Variants in C1QTNF9 observed in about 807,000 individuals in gnomAD.
The protein encoded by C1QTNF9 is complement C1q and tumor necrosis factor-related protein 9A.
Under a neutral mutation model 10.1 loss-of-function variants are expected in C1QTNF9, and 6 were observed. The ratio of observed to expected loss-of-function variants is 0.59; its 90% CI spans 0.32 to 1.17. The LOEUF is 1.17. C1QTNF9 is among the 50% of genes most tolerant of loss of function. The probability of loss-of-function intolerance (pLI) is 0.04; values close to 1 mark genes in which losing one functional copy is unlikely to be tolerated. For missense variants in C1QTNF9, 201 were observed against 418.8 expected, an observed-to-expected ratio of 0.48 and a Z score of 4.54; for synonymous variants, 98 against 163.5, an observed-to-expected ratio of 0.60 and a Z score of 3.06.
intron 3 of C1QTNF9, 121 bp from the exon 4 acceptor site, chr13:24,320,875 G>A: frequency 3.2e-6 from 3 of 950,820 alleles, no homozygotes; most frequent in Non-Finnish European, 4.7e-6. Flanking sequence ...TTAAACTCTG[G>A]GCATATACTG....
At chr13:24,320,743 G>A (rs1391768065) in intron 3 of C1QTNF9, among the ~76,000 whole-genome samples, 1 of 151,240 alleles carries the variant, frequency 6.6e-6, no homozygotes, top group Non-Finnish European at 1.5e-5. Flanking sequence ...TAGAGTCAGG[G>A]TATTGCTATG....
At chr13:24,318,729 C>G in intron 2 of C1QTNF9, 89 bp from the exon 3 acceptor site, 1 of 1,589,498 alleles carries the variant, frequency 6.3e-7, no homozygotes, top group South Asian at 1.1e-5. Context: ...CCCCCAGACT[C>G]TCCAACACAC....
rs549619736 is a variant in C1QTNF9 at position 24,314,634 on chromosome 13, T to C, written c.-22-1348T>C. Among the ~76,000 whole-genome samples, 35 of 152,250 alleles carry C rather than the reference T, an allele frequency of 2.3e-4. No individual in the cohort carries two copies. The East Asian group carries it at 6.4e-3, about 28-fold the overall frequency. On this transcript the variant is annotated intron_variant, in intron 1 of 3. Coordinates refer to ENST00000332018, the Ensembl canonical transcript of C1QTNF9. ...GCAGCAGTGAGCAGAGATCGGCCAT[T>C]GCACTCCAGCTTGGGCCACAAGGGC...
intron 1 of C1QTNF9, among the ~76,000 whole-genome samples, chr13:24,311,499 T>C (rs1021132711): frequency 9.2e-5 from 14 of 152,308 alleles, no homozygotes; most frequent in African/African-American, 3.4e-4. Context: ...TGTATAGAGA[T>C]CTTGTCTTGA....
rs879137052 is a variant in C1QTNF9 at position 24,321,959 on chromosome 13, T to C, written c.*191T>C. 7 of 659,116 alleles carry C rather than the reference T, an allele frequency of 1.1e-5. No individual in the cohort carries two copies. The South Asian group carries it at 2.5e-4, about 23-fold the overall frequency. The allele number at this position is 659,116 out of a possible 1,614,324, so 40.8% of individuals were successfully genotyped here. A position where few individuals can be genotyped will look rare whatever the true frequency, so the allele number is the denominator to read the frequency against. ...TCCAGGAGTAAATATTTAAAATAGC[T>C]GCATGGTTTATTCTAATTTATTTCA... On this transcript the variant is annotated 3_prime_UTR_variant, in exon 4 of 4. Coordinates refer to ENST00000332018, the Ensembl canonical transcript of C1QTNF9.
rs181155631 is a variant in C1QTNF9 at position 24,314,296 on chromosome 13, T to C, written c.-22-1686T>C. Among the ~76,000 whole-genome samples the C allele has an allele frequency of 2.9e-3, 443 of 152,034 alleles. 1 individual carries two copies. Among genetic ancestry groups the C allele is most frequent in the Non-Finnish European group, 4.9e-3 (336 of 67,988 alleles). On this transcript the variant is annotated intron_variant, in intron 1 of 3. Coordinates refer to ENST00000332018, the Ensembl canonical transcript of C1QTNF9. Reference sequence around the variant, plus strand: ...GTCTTTAGCCTGTAATACTAGCACTTTGGGAGACTGGCGGGAGGATTACTT... The same window carrying C: ...GTCTTTAGCCTGTAATACTAGCACTCTGGGAGACTGGCGGGAGGATTACTT...
upstream of C1QTNF9, among the ~76,000 whole-genome samples, chr13:24,309,305 A>ATATATATATATATATATATATATATG (rs1283012806): frequency 8.3e-5 from 11 of 132,330 alleles, no homozygotes; most frequent in African/African-American, 3.2e-4. Flanking sequence ...ATATATATAT[A>ATATATATATATATATATATATATATG]TATGAAAGAA....
At chr13:24,310,842 G>T (rs1352093721) in intron 1 of C1QTNF9, among the ~76,000 whole-genome samples, 1 of 150,166 alleles carries the variant, frequency 6.7e-6, no homozygotes, top group Non-Finnish European at 1.5e-5. Context: ...AACCCAGGAG[G>T]CAGAGCTTGC....
exon 4 of C1QTNF9, chr13:24,322,331 T>A (rs1280744742): frequency 6.6e-6 from 1 of 152,428 alleles, no homozygotes; most frequent in Non-Finnish European, 1.5e-5. Flanking sequence ...TATCAACCCA[T>A]CACCTAGGTA....
intron 1 of C1QTNF9, among the ~76,000 whole-genome samples, chr13:24,310,911 CAAAAAAAAAAA>C (rs58299891): frequency 4.0e-4 from 33 of 83,052 alleles, no homozygotes; most frequent in Non-Finnish European, 6.8e-4. Flanking sequence ...GGCTCTGTCT[CAAAAAAAAAAA>C]AAAAAAAAAA....
At chr13:24,314,564 C>T (rs1444374525) in intron 1 of C1QTNF9, among the ~76,000 whole-genome samples, 1 of 152,062 alleles carries the variant, frequency 6.6e-6, no homozygotes, top group Non-Finnish European at 1.5e-5. Context: ...CGCCTGTAGT[C>T]CCAGCTACTT....
intron 1 of C1QTNF9, among the ~76,000 whole-genome samples, chr13:24,311,052 C>T (rs1336673238): frequency 6.6e-6 from 1 of 152,082 alleles, no homozygotes; most frequent in African/African-American, 2.4e-5. Flanking sequence ...GGAGGGCATT[C>T]GTCCTTTCCA....
chr13:24,312,674 C>A (rs1276443489), intron 1 of C1QTNF9, among the ~76,000 whole-genome samples: 1 of 151,988 alleles, frequency 6.6e-6, no homozygotes, highest in East Asian at 1.9e-4. Context: ...TAGTGCCAAG[C>A]GGCCGTGTGC....
Position 24,312,447 on chromosome 13 carries a change from G to C in C1QTNF9, c.-23+2831G>C, listed in dbSNP as rs372539861. Reference sequence around the variant, plus strand: ...TCTAGTGCCTTCTGGGAAAAGACCAGACCCAGAAATTAAAAGTCAAGAGTG... The same window carrying C: ...TCTAGTGCCTTCTGGGAAAAGACCACACCCAGAAATTAAAAGTCAAGAGTG... On this transcript the variant is annotated intron_variant, in intron 1 of 3. Coordinates refer to ENST00000332018, the Ensembl canonical transcript of C1QTNF9. Among the ~76,000 whole-genome samples the C allele has an allele frequency of 2.0e-4, 31 of 152,244 alleles. No homozygotes were observed. In the East Asian group the frequency reaches 5.4e-3, roughly 27 times the overall value.
intron 1 of C1QTNF9, among the ~76,000 whole-genome samples, chr13:24,312,372 A>C (rs1479146651): frequency 6.6e-6 from 1 of 152,098 alleles, no homozygotes; most frequent in Admixed American, 6.5e-5. Flanking sequence ...CAGATGAGAG[A>C]GAGAGTGGAT....
upstream of C1QTNF9, among the ~76,000 whole-genome samples, chr13:24,309,283 T>TTATATATATATATATATATA (rs72150411): frequency 6.0e-3 from 411 of 67,986 alleles, 20 homozygotes; most frequent in East Asian, 0.01. Flanking sequence ...ACTTAAAGTA[T>TTATATATATATATATATATA]TATATATATA....
In C1QTNF9 at chr13:24,316,222, A is replaced by G. The variant is rs1878027689; in HGVS notation, c.166+53A>G. 5.3e-6 allele frequency: 8 copies of G among 1,509,242 alleles called. No homozygotes were observed. The South Asian group carries it at 7.1e-5, about 13-fold the overall frequency. The allele number at this position is 1,509,242 out of a possible 1,614,324, so 93.5% of individuals were successfully genotyped here. ...TTCAACTTCTCTCTTCATTCCTTTC[A>G]TCTCATTCACTCATCATCTGTGTGA... On this transcript the variant is annotated intron_variant, in intron 2 of 3. Transcript: ENST00000332018.
chr13:24,311,587 C>T (rs1877821975), intron 1 of C1QTNF9, among the ~76,000 whole-genome samples: 1 of 152,220 alleles, frequency 6.6e-6, no homozygotes, highest in African/African-American at 2.4e-5. Flanking sequence ...TCCCCAGCAG[C>T]TGTCACTCTG....
chr13:24,319,002 C>T, intron 3 of C1QTNF9, 122 bp downstream of exon 3: 1 of 1,364,540 alleles, frequency 7.3e-7, no homozygotes, highest in Non-Finnish European at 1.0e-6. Context: ...TTCTTACTCT[C>T]CAGACGGGGG....
Sources: gnomAD v4.1 joint callset for allele counts (sites outside exome capture counted in the v4.1 genomes callset) on GRCh38, gnomAD v4.1.1 for gene constraint, MANE v1.5 for transcripts, NCBI Gene and HGNC (gene_info 2026-07-23, HGNC 2026-07-21) for gene names.